XNDC1N: variants seen among roughly 807,000 people sequenced by gnomAD.
XNDC1N encodes XRCC1 N-terminal domain containing 1, N-terminal like.
chr11:71,918,970 C>A, the XNDC1N span: 1 of 702,930 alleles, frequency 1.4e-6, no homozygotes, highest in Non-Finnish European at 2.6e-6. Flanking sequence ...GGCAGCCGAG[C>A]CAAGGTCTCC....
the XNDC1N span, among the ~76,000 whole-genome samples, chr11:71,887,689 G>T: frequency 6.6e-6 from 1 of 152,170 alleles, no homozygotes; most frequent in Non-Finnish European, 1.5e-5. Context: ...TTCCTTGTCG[G>T]TCTCCATGGA....
chr11:71,890,798 C>T, the XNDC1N span, among the ~76,000 whole-genome samples: 2 of 151,976 alleles, frequency 1.3e-5, no homozygotes, highest in African/African-American at 2.4e-5. Flanking sequence ...ATCCTCTTCC[C>T]CCCTGGATAT....
the XNDC1N span, among the ~76,000 whole-genome samples, chr11:71,919,974 CAG>C: frequency 2.4e-3 from 92 of 38,126 alleles, no homozygotes; most frequent in Non-Finnish European, 3.4e-3. Flanking sequence ...TTTTTTGAGA[CAG>C]AGTCTCGCTC....
At chr11:71,924,308 G>C in the XNDC1N span, among the ~76,000 whole-genome samples, 2 of 152,098 alleles carry the variant, frequency 1.3e-5, no homozygotes, top group Non-Finnish European at 2.9e-5. Context: ...GAGCCCAGGA[G>C]TTGGAGGCTG....
At chr11:71,881,650 C>A in the XNDC1N span, among the ~76,000 whole-genome samples, 4 of 151,712 alleles carry the variant, frequency 2.6e-5, no homozygotes, top group African/African-American at 9.7e-5. Flanking sequence ...AAAAAAAAAT[C>A]TTCAAATATG....
the XNDC1N span, among the ~76,000 whole-genome samples, chr11:71,905,554 A>T: frequency 6.6e-6 from 1 of 152,040 alleles, no homozygotes; most frequent in Non-Finnish European, 1.5e-5. Flanking sequence ...TCTTTCTAGG[A>T]GATTACGAAT....
chr11:71,922,849 A>G, the XNDC1N span, among the ~76,000 whole-genome samples: 1 of 152,206 alleles, frequency 6.6e-6, no homozygotes, highest in East Asian at 1.9e-4. Flanking sequence ...TCACCACATC[A>G]GATCAGGCCT....
the XNDC1N span, among the ~76,000 whole-genome samples, chr11:71,920,135 AT>A: frequency 7.4e-6 from 1 of 136,024 alleles, no homozygotes; most frequent in Admixed American, 7.6e-5. Flanking sequence ...TTTTTTTTGT[AT>A]TTTTAGTAGA....
the XNDC1N span, among the ~76,000 whole-genome samples, chr11:71,910,802 G>A: frequency 1.3e-5 from 2 of 152,162 alleles, no homozygotes; most frequent in African/African-American, 4.8e-5. Flanking sequence ...GTGGGGTTTT[G>A]TAGACTGTGG....
chr11:71,893,893 G>A, the XNDC1N span: 4 of 960,462 alleles, frequency 4.2e-6, no homozygotes, highest in Non-Finnish European at 4.4e-6. Context: ...TCACCTCTGT[G>A]TCTTCTTCGT....
At chr11:71,869,003 T>G in the XNDC1N span, among the ~76,000 whole-genome samples, 1 of 152,188 alleles carries the variant, frequency 6.6e-6, no homozygotes, top group African/African-American at 2.4e-5. Context: ...TATTTTTGTC[T>G]AACTGAACAA....
chr11:71,895,319 T>C, the XNDC1N span, among the ~76,000 whole-genome samples: 5 of 151,550 alleles, frequency 3.3e-5, no homozygotes, highest in African/African-American at 1.2e-4. Flanking sequence ...TTCTTTCCCT[T>C]TTTTTTTGAG....
At chr11:71,917,669 C>T in the XNDC1N span, 9 of 703,216 alleles carry the variant, frequency 1.3e-5, no homozygotes, top group South Asian at 8.9e-5. Context: ...TGCTTTGAAT[C>T]AGTTAGAGAC....
At chr11:71,882,757 A>G in the XNDC1N span, among the ~76,000 whole-genome samples, 1 of 152,238 alleles carries the variant, frequency 6.6e-6, no homozygotes, top group Non-Finnish European at 1.5e-5. Context: ...ACAATTAGGC[A>G]AGAAAAGGAA....
the XNDC1N span, among the ~76,000 whole-genome samples, chr11:71,881,042 C>T: frequency 6.6e-6 from 1 of 152,142 alleles, no homozygotes; most frequent in South Asian, 2.1e-4. Context: ...TTCTGTGGTA[C>T]AGATTAAATT....
At chr11:71,895,573 C>T in the XNDC1N span, among the ~76,000 whole-genome samples, 12 of 151,492 alleles carry the variant, frequency 7.9e-5, no homozygotes, top group Admixed American at 7.9e-4. Context: ...GTGATCCGCC[C>T]GCTTCCGCCC....
At chr11:71,890,663 C>T in the XNDC1N span, among the ~76,000 whole-genome samples, 1 of 152,108 alleles carries the variant, frequency 6.6e-6, no homozygotes, top group African/African-American at 2.4e-5. Context: ...ATATCAGAAA[C>T]AATATCACAG....
chr11:71,917,177 C>A, the XNDC1N span: 8 of 458,718 alleles, frequency 1.7e-5, no homozygotes, highest in Non-Finnish European at 3.2e-5. Context: ...CCATGCCCGG[C>A]TAATTTTTGT....
At chr11:71,868,012 T>C in the XNDC1N span, among the ~76,000 whole-genome samples, 1 of 152,226 alleles carries the variant, frequency 6.6e-6, no homozygotes, top group African/African-American at 2.4e-5. Context: ...AGTCTTCTTG[T>C]TGAATTGAAC....
Sources: allele counts gnomAD v4.1 joint callset (sites outside exome capture counted in the v4.1 genomes callset), GRCh38; gene constraint gnomAD v4.1.1; transcripts MANE v1.5; gene names NCBI Gene and HGNC (gene_info 2026-07-23, HGNC 2026-07-21).